RLF: variants seen among roughly 807,000 people sequenced by gnomAD.
The protein encoded by RLF is RLF zinc finger.
A neutral mutation model predicts 162.9 loss-of-function variants in RLF; 7 were observed. That is an observed-to-expected ratio of 0.04 (90% CI 0.02 to 0.08). The LOEUF (loss-of-function observed/expected upper bound fraction) is 0.08, where lower values mean the gene tolerates loss of function less well. RLF is among the 10% of genes least tolerant of loss of function. The probability of loss-of-function intolerance (pLI) is 1.00; values close to 1 mark genes in which losing one functional copy is unlikely to be tolerated. For missense variants in RLF, 1,664 were observed against 2,244.7 expected (o/e 0.74, Z 5.23); for synonymous variants, 782 against 791.5 (o/e 0.99, Z 0.20).
chr1:40,239,214 TCAGACCAC>T lies in RLF; in HGVS notation c.4516_4523del (p.Thr1506GlufsTer4). 2 of 1,614,118 alleles carry T rather than the reference TCAGACCAC, an allele frequency of 1.2e-6. No individual in the cohort carries two copies. The highest frequency in any genetic ancestry group is 8.5e-7 in the Non-Finnish European group (1 of 1,180,024). ...CAGCTGATACTCAGGGGCATGAACA[TCAGACCAC>T]CAGGAGATCATTTAATGCTAAGTCT... On this transcript the variant is annotated frameshift_variant, in exon 8 of 8. Coordinates refer to ENST00000372771, the MANE Select transcript of RLF (RefSeq NM_012421.4). LOFTEE classifies it high-confidence loss of function.
chr1:40,185,660 A>T (rs1395506178), intron 1 of RLF, among the ~76,000 whole-genome samples: 1 of 132,238 alleles, frequency 7.6e-6, no homozygotes, highest in Non-Finnish European at 1.7e-5. Flanking sequence ...AAAATACAAA[A>T]AAAAAAAAAA....
chr1:40,228,304 C>T (rs888060882), intron 6 of RLF, among the ~76,000 whole-genome samples: 1 of 146,674 alleles, frequency 6.8e-6, no homozygotes, highest in African/African-American at 2.5e-5. Flanking sequence ...AAAAGCCAGG[C>T]GTGGTGGCTC....
chr1:40,178,213 T>TA lies in RLF; in HGVS notation c.238-10841dup, dbSNP rs777614398. Reference sequence around the variant, plus strand: ...TCTCCACTGAATTGCCTTTGCACCTTATTGAAAATTAGCCATACATGTGTG... The same window carrying TA: ...TCTCCACTGAATTGCCTTTGCACCTTAATTGAAAATTAGCCATACATGTGTG... On this transcript the variant is annotated intron_variant, in intron 1 of 7. Coordinates refer to ENST00000372771, the MANE Select transcript of RLF (RefSeq NM_012421.4). Among the ~76,000 whole-genome samples the TA allele has an allele frequency of 8.5e-5, 13 of 152,280 alleles. 1 individual carries two copies. Among genetic ancestry groups the TA allele is most frequent in the East Asian group, 3.8e-4 (2 of 5,196 alleles).
intron 5 of RLF, among the ~76,000 whole-genome samples, chr1:40,219,998 G>C (rs149451957): frequency 6.6e-6 from 1 of 152,170 alleles, no homozygotes; most frequent in Non-Finnish European, 1.5e-5. Context: ...TGTAATCCCA[G>C]CACTTTGGGA....
chr1:40,191,506 C>T (rs983471652), intron 3 of RLF, among the ~76,000 whole-genome samples: 5 of 151,652 alleles, frequency 3.3e-5, no homozygotes, highest in African/African-American at 1.2e-4. Context: ...CCACTGCACT[C>T]CAGCCTGAGC....
chr1:40,166,957 A>G (rs1211865157), intron 1 of RLF, among the ~76,000 whole-genome samples: 1 of 152,166 alleles, frequency 6.6e-6, no homozygotes, highest in Non-Finnish European at 1.5e-5. Context: ...TGCATGTGTA[A>G]CAAACCTGCA....
chr1:40,212,174 C>G (rs1307885984), intron 5 of RLF, among the ~76,000 whole-genome samples: 2 of 152,178 alleles, frequency 1.3e-5, no homozygotes, highest in East Asian at 1.9e-4. Context: ...ATGTTGGTAC[C>G]TGGGGGTATC....
At chr1:40,163,331 G>A (rs1260409303) in intron 1 of RLF, among the ~76,000 whole-genome samples, 4 of 152,052 alleles carry the variant, frequency 2.6e-5, no homozygotes, top group African/African-American at 7.3e-5. Flanking sequence ...GAAGGAGAGG[G>A]GTGGTGCAGG....
intron 5 of RLF, among the ~76,000 whole-genome samples, chr1:40,221,151 TAAAAG>T (rs936670226): frequency 9.2e-5 from 14 of 151,498 alleles, no homozygotes; most frequent in African/African-American, 3.2e-4. Context: ...CTAAAAATAA[TAAAAG>T]GTAAAGGCCA....
At chr1:40,213,335 GA>G (rs1642886285) in intron 5 of RLF, among the ~76,000 whole-genome samples, 1 of 152,118 alleles carries the variant, frequency 6.6e-6, no homozygotes. Context: ...ATGAAGAGTC[GA>G]TCAGACATAT....
intron 6 of RLF, among the ~76,000 whole-genome samples, chr1:40,231,144 G>A (rs772789024): frequency 5.3e-5 from 8 of 152,292 alleles, no homozygotes; most frequent in Non-Finnish European, 8.8e-5. Flanking sequence ...TTAATTTAGT[G>A]ATGGCTGATT....
chr1:40,190,121 A>G (rs747252767), intron 2 of RLF, among the ~76,000 whole-genome samples: 5 of 151,924 alleles, frequency 3.3e-5, no homozygotes, highest in African/African-American at 7.3e-5. Context: ...TGTTTTACCT[A>G]TTGTAATCCC....
intron 1 of RLF, among the ~76,000 whole-genome samples, chr1:40,185,583 C>A (rs1456699543): frequency 1.8e-5 from 2 of 111,756 alleles, no homozygotes; most frequent in African/African-American, 3.3e-5. Context: ...GAGGCCGAGG[C>A]GGGCAGGTCA....
chr1:40,169,540 C>T (rs1457392649), intron 1 of RLF, among the ~76,000 whole-genome samples: 7 of 138,734 alleles, frequency 5.0e-5, no homozygotes, highest in African/African-American at 8.3e-5. Flanking sequence ...GGCGTGAACC[C>T]GGGAGGCGGA....
intron 4 of RLF, among the ~76,000 whole-genome samples, chr1:40,198,114 C>T (rs1642661774): frequency 6.6e-6 from 1 of 151,840 alleles, no homozygotes; most frequent in South Asian, 2.1e-4. Context: ...AGCGATTCTC[C>T]TGCCTTAGCC....
intron 5 of RLF, among the ~76,000 whole-genome samples, chr1:40,219,800 T>G (rs1396290336): frequency 6.6e-6 from 1 of 152,230 alleles, no homozygotes; most frequent in Non-Finnish European, 1.5e-5. Context: ...AGAATGTTAG[T>G]ATTTGCTGAA....
At chr1:40,193,368 G>C (rs1049953282) in intron 3 of RLF, among the ~76,000 whole-genome samples, 16 of 152,102 alleles carry the variant, frequency 1.1e-4, no homozygotes, top group African/African-American at 3.9e-4. Flanking sequence ...TGAGTAAACT[G>C]TATTTTGAAC....
chr1:40,165,704 C>T (rs1325898110), intron 1 of RLF, among the ~76,000 whole-genome samples: 1 of 152,202 alleles, frequency 6.6e-6, no homozygotes. Context: ...CTGACATCTG[C>T]AGTTCATCTT....
chr1:40,171,758 T>C (rs1463562817), intron 1 of RLF, among the ~76,000 whole-genome samples: 1 of 152,178 alleles, frequency 6.6e-6, no homozygotes, highest in Non-Finnish European at 1.5e-5. Flanking sequence ...TTTATATAAA[T>C]ATTACAATTT....
Sources: allele counts gnomAD v4.1 joint callset (sites outside exome capture counted in the v4.1 genomes callset), GRCh38; gene constraint gnomAD v4.1.1; transcripts MANE v1.5; gene names NCBI Gene and HGNC (gene_info 2026-07-23, HGNC 2026-07-21).